Variants in RBFOX2 observed in about 807,000 individuals in gnomAD.
RBFOX2 encodes the protein RNA binding fox-1 homolog 2.
A neutral mutation model predicts 49.1 loss-of-function variants in RBFOX2; 10 were observed. That is an observed-to-expected ratio of 0.20 (90% CI 0.13 to 0.35). RBFOX2 has a LOEUF of 0.35. RBFOX2 is among the 10% of genes least tolerant of loss of function. The pLI, the probability that RBFOX2 is intolerant of heterozygous loss-of-function variation, is 1.00. For synonymous variants in RBFOX2, 183 were observed against 187.4 expected, an observed-to-expected ratio of 0.98 and a Z score of 0.19; for missense variants, 323 against 486.9, an observed-to-expected ratio of 0.66 and a Z score of 3.17.
Position 35,902,438 on chromosome 22 carries a change from C to T in RBFOX2, c.-34+36409G>A, listed in dbSNP as rs529254207. 1.2e-4 allele frequency among the ~76,000 whole-genome samples: 18 copies of T among 152,218 alleles called. 1 individual carries two copies. In the South Asian group the frequency reaches 3.5e-3, roughly 30 times the overall value. ...CCTATGCCCAATCAGCTGAATGTTG[C>T]TGAAGAAAAATCACATAACCAAGCT... On this transcript the variant is annotated intron_variant, in intron 1 of 13. Transcript: ENST00000359369.
rs9622312 is a variant in RBFOX2, at chr22:35,967,916, A to C, written c.187-29019T>G. Among the ~76,000 whole-genome samples, 1,267 of 152,340 alleles carry C rather than the reference A, an allele frequency of 8.3e-3. 7 individuals are homozygous for C. The highest frequency in any genetic ancestry group is 0.014 in the Non-Finnish European group (950 of 68,036). ...AAAGAAACAGCAGAATCCAGAAATAATACAATTTTTCCCAGAATAAAAAAA... is the reference window on the plus strand; with the variant it reads ...AAAGAAACAGCAGAATCCAGAAATACTACAATTTTTCCCAGAATAAAAAAA... On this transcript the variant is annotated intron_variant, in intron 1 of 13. Coordinates refer to the RBFOX2 transcript ENST00000438146.
intron 9 of RBFOX2, chr22:35,748,263 T>G (rs1933533798): frequency 1.3e-5 from 2 of 152,210 alleles, no homozygotes; most frequent in South Asian, 4.1e-4. Context: ...AAGTAAACAT[T>G]TCCTTCTTAA....
chr22:36,013,345 G>A (rs1185500334), intron 1 of RBFOX2, among the ~76,000 whole-genome samples: 29 of 152,106 alleles, frequency 1.9e-4, no homozygotes, highest in Admixed American at 1.8e-3. Context: ...AAATAGGACT[G>A]AGTAATAATA....
At chr22:35,886,759 T>C (rs890188964) in intron 1 of RBFOX2, among the ~76,000 whole-genome samples, 3 of 152,240 alleles carry the variant, frequency 2.0e-5, no homozygotes, top group African/African-American at 4.8e-5. Flanking sequence ...TTCAACTGCA[T>C]TGACTGATGC....
intron 1 of RBFOX2, among the ~76,000 whole-genome samples, chr22:35,901,002 A>G (rs1383364090): frequency 3.3e-5 from 5 of 152,176 alleles, no homozygotes; most frequent in African/African-American, 9.7e-5. Context: ...GCTGGTTTCA[A>G]TGTAACACCA....
chr22:35,903,795 C>T (rs2048836661), intron 1 of RBFOX2, among the ~76,000 whole-genome samples: 1 of 152,118 alleles, frequency 6.6e-6, no homozygotes, highest in Non-Finnish European at 1.5e-5. Context: ...TAACCCAAGC[C>T]ACCATCATCT....
Position 35,761,313 on chromosome 22 carries a change from A to T in RBFOX2, c.662-19T>A, listed in dbSNP as rs748192525. ...CTGGATGCTGATTGGATTTTTAAAA[A>T]ATTTAAAAATGCAAGAAGATTAAAA... On this transcript the variant is annotated intron_variant, in intron 7 of 11. Transcript: ENST00000405409. The T allele has an allele frequency of 6.2e-6, 10 of 1,613,718 alleles. No individual in the cohort carries two copies. Among genetic ancestry groups the T allele is most frequent in the Non-Finnish European group, 8.5e-6 (10 of 1,179,776 alleles).
intron 1 of RBFOX2, among the ~76,000 whole-genome samples, chr22:35,921,694 A>G (rs2051043492): frequency 1.3e-5 from 2 of 152,252 alleles, no homozygotes; most frequent in South Asian, 4.1e-4. Flanking sequence ...TAAAGCAGTC[A>G]GCAAATAACA....
intron 1 of RBFOX2, among the ~76,000 whole-genome samples, chr22:35,983,847 G>A (rs769309882): frequency 3.3e-5 from 5 of 152,078 alleles, no homozygotes; most frequent in African/African-American, 1.2e-4. Flanking sequence ...AGCTAGAGTC[G>A]ATGAATAATT....
exon 1 of RBFOX2, chr22:36,028,501 T>G: frequency 9.4e-7 from 1 of 1,066,636 alleles, no homozygotes; most frequent in Non-Finnish European, 1.1e-6. Flanking sequence ...CGGCCCCGAC[T>G]GTCGCGACAG....
chr22:35,782,460 G>A (rs183854783), intron 2 of RBFOX2, among the ~76,000 whole-genome samples: 2 of 152,012 alleles, frequency 1.3e-5, no homozygotes, highest in Admixed American at 6.6e-5. Flanking sequence ...TAGCTGGGAC[G>A]ATAGGTGCCT....
intron 1 of RBFOX2, among the ~76,000 whole-genome samples, chr22:35,875,602 A>G (rs2044930958): frequency 2.2e-5 from 3 of 137,058 alleles, no homozygotes; most frequent in African/African-American, 5.5e-5. Flanking sequence ...ATAAATGCTC[A>G]CAAGGGTGTG....
intron 1 of RBFOX2, among the ~76,000 whole-genome samples, chr22:36,009,459 T>C (rs556094803): frequency 6.6e-6 from 1 of 152,240 alleles, no homozygotes; most frequent in South Asian, 2.1e-4. Context: ...CTGCAGCATC[T>C]GCCTCCTGGG....
At chr22:35,907,670 C>CA (rs2049276726) in intron 1 of RBFOX2, among the ~76,000 whole-genome samples, 1 of 151,256 alleles carries the variant, frequency 6.6e-6, no homozygotes, top group Non-Finnish European at 1.5e-5. Context: ...TTTTTTGAAA[C>CA]AGAGTGTCGC....
intron 1 of RBFOX2, among the ~76,000 whole-genome samples, chr22:35,818,473 T>C (rs890896248): frequency 6.6e-6 from 1 of 152,182 alleles, no homozygotes. Flanking sequence ...GCATCTTCCA[T>C]ATGCTAAACT....
chr22:35,862,365 T>TA (rs2043186582), intron 1 of RBFOX2, among the ~76,000 whole-genome samples: 1 of 144,750 alleles, frequency 6.9e-6, no homozygotes, highest in Non-Finnish European at 1.5e-5. Context: ...AAGGGTTAGT[T>TA]ATTTTCTTTG....
At chr22:35,840,649 T>TGTGC (rs1603388655), upstream of RBFOX2, 1 of 1,048,198 alleles carries the variant, frequency 9.5e-7, no homozygotes, top group Non-Finnish European at 1.2e-6. Flanking sequence ...TGTGTGTGTG[T>TGTGC]GTGTGTGTAG....
chr22:35,774,383 T>C (rs141254537), intron 4 of RBFOX2, among the ~76,000 whole-genome samples: 51 of 152,260 alleles, frequency 3.3e-4, no homozygotes, highest in African/African-American at 1.2e-3. Flanking sequence ...TATGAATAAA[T>C]TAGTTAATTT....
intron 1 of RBFOX2, among the ~76,000 whole-genome samples, chr22:35,899,037 G>C (rs1427525566): frequency 2.0e-5 from 3 of 151,988 alleles, no homozygotes; most frequent in African/African-American, 7.3e-5. Flanking sequence ...AGAATTGCTT[G>C]AACCCAGGAG....
Sources: allele counts gnomAD v4.1 joint callset (sites outside exome capture counted in the v4.1 genomes callset), GRCh38; gene constraint gnomAD v4.1.1; transcripts MANE v1.5; gene names NCBI Gene and HGNC (gene_info 2026-07-23, HGNC 2026-07-21).